ASCC1: variants seen among roughly 807,000 people sequenced by gnomAD.
ASCC1 encodes the protein ASC-1 complex subunit P50.
In ASCC1, 35 loss-of-function variants were observed where a neutral mutation model predicts 46.6. The observed-to-expected ratio is 0.75, with a 90% confidence interval of 0.57 to 0.99. The LOEUF is 0.99. Ranked by LOEUF, ASCC1 falls within the 50% of genes least tolerant of loss-of-function variation. The probability of loss-of-function intolerance (pLI) is 0.00; values close to 1 mark genes in which losing one functional copy is unlikely to be tolerated. For synonymous variants in ASCC1, 143 were observed against 146.6 expected, an observed-to-expected ratio of 0.98 and a Z score of 0.18; for missense variants, 376 against 428.7, an observed-to-expected ratio of 0.88 and a Z score of 1.09.
chr10:72,151,695 A>T (rs1425516169), intron 7 of ASCC1, among the ~76,000 whole-genome samples: 1 of 147,110 alleles, frequency 6.8e-6, no homozygotes, highest in East Asian at 2.0e-4. Context: ...ATCTTTTTAA[A>T]TTTTTTTTTT....
intron 5 of ASCC1, among the ~76,000 whole-genome samples, chr10:72,166,274 T>C (rs980185716): frequency 1.3e-5 from 2 of 152,078 alleles, no homozygotes; most frequent in African/African-American, 2.4e-5. Flanking sequence ...ATAAAAAGAA[T>C]CTCATAATTC....
chr10:72,120,488 G>T (rs1844067448), intron 9 of ASCC1, among the ~76,000 whole-genome samples: 1 of 150,608 alleles, frequency 6.6e-6, no homozygotes, highest in Non-Finnish European at 1.5e-5. Context: ...AAAAGGAATG[G>T]AAACAATATT....
intron 5 of ASCC1, among the ~76,000 whole-genome samples, chr10:72,190,736 G>A (rs1206690892): frequency 1.3e-5 from 2 of 152,036 alleles, no homozygotes; most frequent in African/African-American, 2.4e-5. Flanking sequence ...GGTGGCTCAC[G>A]CCTGTAATCC....
At chr10:72,120,555 T>C (rs1056674351) in intron 9 of ASCC1, among the ~76,000 whole-genome samples, 1 of 144,412 alleles carries the variant, frequency 6.9e-6, no homozygotes, top group Non-Finnish European at 1.5e-5. Context: ...AAACCACAGA[T>C]CTAGGAAGCT....
At chr10:72,162,614 T>C (rs1317249542) in intron 5 of ASCC1, among the ~76,000 whole-genome samples, 1 of 152,046 alleles carries the variant, frequency 6.6e-6, no homozygotes, top group African/African-American at 2.4e-5. Context: ...GGATTATGGG[T>C]GTGAGCCACA....
chr10:72,150,673 T>C (rs1025709220), intron 7 of ASCC1, among the ~76,000 whole-genome samples: 2 of 152,174 alleles, frequency 1.3e-5, no homozygotes, highest in African/African-American at 4.8e-5. Flanking sequence ...ACCTACAGAA[T>C]GGGAGAAAAT....
intron 6 of ASCC1, among the ~76,000 whole-genome samples, chr10:72,154,736 C>T (rs1466006961): frequency 6.6e-6 from 1 of 152,146 alleles, no homozygotes; most frequent in Non-Finnish European, 1.5e-5. Context: ...AAGACATCTG[C>T]CTGCCTTGGC....
Position 72,102,424 on chromosome 10 carries a change from T to C in ASCC1, c.958-4974A>G, listed in dbSNP as rs569278779. 5.6e-5 allele frequency: 86 copies of C among 1,547,816 alleles called. 1 individual carries two copies. The African/African-American group carries it at 1.1e-3, about 20-fold the overall frequency. On this transcript the variant is annotated intron_variant, in intron 9 of 9. Coordinates refer to ENST00000672957, the MANE Select transcript of ASCC1 (RefSeq NM_001198800.3). ...TGCATCAGAGACACCTGTAGCACAG[T>C]TAAGTGGAAACAGATCACTATAAAA...
chr10:72,210,432 T>C (rs1857912833), intron 3 of ASCC1, among the ~76,000 whole-genome samples: 1 of 152,178 alleles, frequency 6.6e-6, no homozygotes, highest in Non-Finnish European at 1.5e-5. Flanking sequence ...AGTGCTGGGA[T>C]TACAGGCGTG....
intron 3 of ASCC1, among the ~76,000 whole-genome samples, chr10:72,210,320 C>T (rs1398290886): frequency 6.6e-6 from 1 of 152,050 alleles, no homozygotes; most frequent in Non-Finnish European, 1.5e-5. Flanking sequence ...CCACCACACC[C>T]GGCTAATTTT....
At chr10:72,118,566 G>C (rs1422127827) in intron 9 of ASCC1, among the ~76,000 whole-genome samples, 4 of 151,940 alleles carry the variant, frequency 2.6e-5, no homozygotes, top group Non-Finnish European at 1.5e-5. Flanking sequence ...GATTACCTGA[G>C]GTCAGGAGTT....
At chr10:72,167,638 CTT>C (rs547602844) in intron 5 of ASCC1, among the ~76,000 whole-genome samples, 115 of 133,526 alleles carry the variant, frequency 8.6e-4, no homozygotes, top group Middle Eastern at 3.8e-3. Flanking sequence ...GTGTCTATGT[CTT>C]TTTTTTTTTT....
At chr10:72,107,871 A>C (rs1842516315) in intron 9 of ASCC1, among the ~76,000 whole-genome samples, 1 of 152,058 alleles carries the variant, frequency 6.6e-6, no homozygotes, top group African/African-American at 2.4e-5. Context: ...TGTTTTTCTG[A>C]TTATAGATTA....
At chr10:72,110,964 G>A (rs1027461643) in intron 9 of ASCC1, among the ~76,000 whole-genome samples, 2 of 152,198 alleles carry the variant, frequency 1.3e-5, no homozygotes, top group African/African-American at 2.4e-5. Context: ...CATTAGACGG[G>A]AAGACATGAA....
intron 5 of ASCC1, among the ~76,000 whole-genome samples, chr10:72,190,970 T>G (rs1854362419): frequency 7.2e-6 from 1 of 138,766 alleles, no homozygotes; most frequent in South Asian, 2.4e-4. Flanking sequence ...CACTCCAGCC[T>G]TGGCGACAGA....
At chr10:72,162,945 A>AAAAAAAAAAAC (rs1849883476) in intron 5 of ASCC1, among the ~76,000 whole-genome samples, 1 of 151,958 alleles carries the variant, frequency 6.6e-6, no homozygotes, top group African/African-American at 2.4e-5. Flanking sequence ...TCTGTCTCAA[A>AAAAAAAAAAAC]AAAAAAGGAA....
chr10:72,108,073 TTTC>T (rs1275140736), intron 9 of ASCC1, among the ~76,000 whole-genome samples: 20 of 150,982 alleles, frequency 1.3e-4, no homozygotes, highest in African/African-American at 2.2e-4. Flanking sequence ...TCTTTTTCTT[TTTC>T]TTTTTTTTTT....
chr10:72,096,228 G>C lies in ASCC1; in HGVS notation c.*1106C>G, dbSNP rs1165345445. The C allele has an allele frequency of 2.2e-6, 1 of 454,058 alleles. No individual in the cohort carries two copies. The highest frequency in any genetic ancestry group is 2.0e-5 in the African/African-American group (1 of 50,004). 28.1% of individuals were successfully genotyped at this position (454,058 alleles called of 1,614,324 possible). ...CATGGAGGGAGGAAGAATGTGAGGA[G>C]GCAGGGGTGGGAGGCTGGGGCTCCC... is the stretch of plus-strand genomic sequence containing the variant. On this transcript the variant is annotated 3_prime_UTR_variant, in exon 10 of 10. Coordinates refer to ENST00000672957, the MANE Select transcript of ASCC1 (RefSeq NM_001198800.3).
chr10:72,151,951 G>C (rs1387988208), intron 7 of ASCC1, among the ~76,000 whole-genome samples: 3 of 148,154 alleles, frequency 2.0e-5, no homozygotes, highest in Non-Finnish European at 4.4e-5. Context: ...AGTCTCCCAA[G>C]GCACTGGGAT....
Sources: allele counts gnomAD v4.1 joint callset (sites outside exome capture counted in the v4.1 genomes callset), GRCh38; gene constraint gnomAD v4.1.1; transcripts MANE v1.5; gene names NCBI Gene and HGNC (gene_info 2026-07-23, HGNC 2026-07-21).